The following GRM3 variants were observed in gnomAD, a reference collection of about 807,000 sequenced individuals.
GRM3 encodes the protein glutamate metabotropic receptor 3.
A neutral mutation model predicts 70.5 loss-of-function variants in GRM3; 26 were observed. The observed-to-expected ratio is 0.37, with a 90% confidence interval of 0.27 to 0.51. The LOEUF is 0.51. Ranked by LOEUF, GRM3 falls within the 20% of genes least tolerant of loss-of-function variation. The probability of loss-of-function intolerance (pLI) is 0.93; values close to 1 mark genes in which losing one functional copy is unlikely to be tolerated. For synonymous variants in GRM3, 443 were observed against 434.9 expected, an observed-to-expected ratio of 1.02 and a Z score of -0.23; for missense variants, 859 against 1,123.8, an observed-to-expected ratio of 0.76 and a Z score of 3.37.
At chr7:86,768,298 T>G (rs1796655403) in intron 2 of GRM3, among the ~76,000 whole-genome samples, 1 of 152,156 alleles carries the variant, frequency 6.6e-6, no homozygotes, top group Admixed American at 6.5e-5. Context: ...TATCGAAAGC[T>G]AATTATGTGG....
intron 4 of GRM3, among the ~76,000 whole-genome samples, chr7:86,844,222 A>G (rs188603294): frequency 2.0e-5 from 3 of 152,312 alleles, no homozygotes; most frequent in Admixed American, 2.0e-4. Flanking sequence ...CTTTAAAAAA[A>G]TTTGTGTCAC....
chr7:86,845,558 CT>C (rs970746482), intron 4 of GRM3, among the ~76,000 whole-genome samples: 9 of 152,094 alleles, frequency 5.9e-5, no homozygotes, highest in Non-Finnish European at 8.8e-5. Flanking sequence ...AGTTCCTCCC[CT>C]CTCTGAAGTT....
chr7:86,707,741 G>A (rs769326473), intron 1 of GRM3, among the ~76,000 whole-genome samples: 1 of 152,026 alleles, frequency 6.6e-6, no homozygotes, highest in Non-Finnish European at 1.5e-5. Flanking sequence ...GTGGTAAAAA[G>A]TAATTATAGA....
chr7:86,863,688 C>T (rs953965778), intron 5 of GRM3, among the ~76,000 whole-genome samples: 5 of 152,066 alleles, frequency 3.3e-5, no homozygotes, highest in Non-Finnish European at 7.4e-5. Flanking sequence ...AAGGCTCATC[C>T]CTGTATAGAC....
intron 1 of GRM3, among the ~76,000 whole-genome samples, chr7:86,749,956 G>T (rs1796191289): frequency 6.6e-6 from 1 of 151,944 alleles, no homozygotes; most frequent in South Asian, 2.1e-4. Flanking sequence ...ACTTAAGTTT[G>T]CCCCTAAGCT....
rs1794954350 is a variant in GRM3, at chr7:86,701,934, C to T, written c.-141+57062C>T. On this transcript the variant is annotated intron_variant, in intron 1 of 5. Coordinates refer to ENST00000361669, the MANE Select transcript of GRM3 (RefSeq NM_000840.3). ...TAAGGTAAGCATATCAGAGTCAATC[C>T]CTACTTCATTACACTAAGGAAGACA... Among the ~76,000 whole-genome samples the T allele has an allele frequency of 4.6e-5, 7 of 151,854 alleles. No individual in the cohort carries two copies. The South Asian group carries it at 1.5e-3, about 31-fold the overall frequency.
intron 3 of GRM3, among the ~76,000 whole-genome samples, chr7:86,798,258 G>A (rs887690147): frequency 1.3e-5 from 2 of 152,140 alleles, no homozygotes; most frequent in Non-Finnish European, 2.9e-5. Context: ...CTTGCACTGT[G>A]CACCTGGAAA....
chr7:86,748,002 C>CT (rs1224234987), intron 1 of GRM3, among the ~76,000 whole-genome samples: 1 of 152,008 alleles, frequency 6.6e-6, no homozygotes, highest in African/African-American at 2.4e-5. Context: ...CTCCTGTCTC[C>CT]CTGTGGTTAA....
intron 1 of GRM3, among the ~76,000 whole-genome samples, chr7:86,689,692 A>C (rs1258358116): frequency 6.6e-6 from 1 of 152,152 alleles, no homozygotes; most frequent in African/African-American, 2.4e-5. Flanking sequence ...ATAAGAAGTA[A>C]CTTTTGAATT....
intron 3 of GRM3, among the ~76,000 whole-genome samples, chr7:86,816,245 GC>G (rs1359411199): frequency 6.6e-6 from 1 of 151,780 alleles, no homozygotes; most frequent in Non-Finnish European, 1.5e-5. Context: ...GGCTATTATT[GC>G]CTTTCAACAA....
At chr7:86,806,962 A>G (rs1368587972) in intron 3 of GRM3, among the ~76,000 whole-genome samples, 2 of 147,454 alleles carry the variant, frequency 1.4e-5, no homozygotes, top group African/African-American at 5.2e-5. Flanking sequence ...CTTTCTACAT[A>G]TGGCTAGCCA....
chr7:86,697,692 G>T (rs552662106), intron 1 of GRM3, among the ~76,000 whole-genome samples: 16 of 151,766 alleles, frequency 1.1e-4, no homozygotes, highest in African/African-American at 3.6e-4. Context: ...ATTTTGAAAT[G>T]ATTTCCCTAA....
intron 1 of GRM3, among the ~76,000 whole-genome samples, chr7:86,697,235 A>G (rs1348042446): frequency 5.3e-5 from 8 of 152,024 alleles, no homozygotes; most frequent in African/African-American, 1.7e-4. Context: ...AAAGTTGAGA[A>G]CATCTTGAAG....
At chr7:86,703,429 G>A (rs1794989382) in intron 1 of GRM3, among the ~76,000 whole-genome samples, 1 of 151,904 alleles carries the variant, frequency 6.6e-6, no homozygotes, top group South Asian at 2.1e-4. Context: ...ATAAGAAAGC[G>A]CAGAAACTGA....
At chr7:86,693,717 C>T (rs201542358) in intron 1 of GRM3, among the ~76,000 whole-genome samples, 1 of 151,500 alleles carries the variant, frequency 6.6e-6, no homozygotes, top group Non-Finnish European at 1.5e-5. Flanking sequence ...AGAAAGAGTC[C>T]AAAAAGAGAG....
At chr7:86,648,728 G>GA (rs146853310) in intron 1 of GRM3, among the ~76,000 whole-genome samples, 2,273 of 147,312 alleles carry the variant, frequency 0.015, 71 homozygotes, top group African/African-American at 0.051. Flanking sequence ...AGAAAAGCCT[G>GA]AAAAAAAAAA....
intron 3 of GRM3, among the ~76,000 whole-genome samples, chr7:86,800,707 G>C (rs1475445603): frequency 6.6e-6 from 1 of 152,124 alleles, no homozygotes; most frequent in Non-Finnish European, 1.5e-5. Flanking sequence ...TTCTACCAGA[G>C]GTACAAAGAG....
intron 5 of GRM3, among the ~76,000 whole-genome samples, chr7:86,861,384 C>T (rs1463437044): frequency 6.6e-6 from 1 of 152,064 alleles, no homozygotes; most frequent in East Asian, 1.9e-4. Context: ...TAAGTAAAAC[C>T]CCTGCATATT....
In GRM3 at chr7:86,864,498, G is replaced by A; in HGVS notation, c.*143G>A. 1 of 668,686 alleles carries A rather than the reference G, an allele frequency of 1.5e-6. No individual in the cohort carries two copies. 41.4% of individuals were successfully genotyped at this position (668,686 alleles called of 1,614,324 possible). A position where few individuals can be genotyped will look rare whatever the true frequency, so the allele number is the denominator to read the frequency against. On this transcript the variant is annotated 3_prime_UTR_variant, in exon 6 of 6. Coordinates refer to ENST00000361669, the MANE Select transcript of GRM3 (RefSeq NM_000840.3). ...GTACGATAAATTATTTTTGAGGACT[G>A]TATATAGTGATGTGCTAGAACTTTC...
Sources: allele counts gnomAD v4.1 joint callset (sites outside exome capture counted in the v4.1 genomes callset), GRCh38; gene constraint gnomAD v4.1.1; transcripts MANE v1.5; gene names NCBI Gene and HGNC (gene_info 2026-07-23, HGNC 2026-07-21).